The following ITPRID1 variants were observed in gnomAD, a reference collection of about 807,000 sequenced individuals.
The protein encoded by ITPRID1 is protein ITPRID1.
ITPRID1 carries 96 observed loss-of-function variants against 95.4 expected under a neutral mutation model. The observed-to-expected ratio is 1.01, with a 90% CI of 0.85 to 1.19. The LOEUF is 1.19. Among genes scored for constraint, ITPRID1 ranks in the 50% most tolerant of loss-of-function variants. The pLI is 0.00. For missense variants in ITPRID1, 1,339 were observed against 1,252.9 expected (o/e 1.07, Z -1.04); for synonymous variants, 510 against 453.6 (o/e 1.12, Z -1.58).
intron 10 of ITPRID1, among the ~76,000 whole-genome samples, chr7:31,640,438 A>AG (rs1789915430): frequency 6.6e-6 from 1 of 152,140 alleles, no homozygotes; most frequent in African/African-American, 2.4e-5. Flanking sequence ...TTTGAACTCT[A>AG]GCTGGCTCAG....
chr7:31,528,977 G>A (rs1470977533), intron 1 of ITPRID1, among the ~76,000 whole-genome samples: 1 of 152,176 alleles, frequency 6.6e-6, no homozygotes, highest in Admixed American at 6.5e-5. Flanking sequence ...AAGAATGCAT[G>A]GCAAATGTAA....
intron 10 of ITPRID1, among the ~76,000 whole-genome samples, chr7:31,600,371 C>G (rs1220993850): frequency 6.6e-6 from 1 of 152,154 alleles, no homozygotes; most frequent in Admixed American, 6.5e-5. Context: ...AAAATTAGAA[C>G]TGCCCTAAAC....
rs139858209 is a variant in ITPRID1, at chr7:31,643,794, C to G, written c.2424C>G (p.Cys808Trp). 61 of 1,614,004 alleles carry G rather than the reference C, an allele frequency of 3.8e-5. 1 individual carries two copies. The Middle Eastern group carries it at 8.2e-4, about 22-fold the overall frequency. ...CHAIPAHCCI[C>W]CHHHPHCHGE... is the part of the protein sequence containing the mutation. ...CTATACCTGCCCACTGCTGCATCTG[C>G]TGTCATCACCACCCTCACTGCCACG... The change falls in exon 12 of 15, where the codon TGC becomes TGG. Residue 808 changes from cysteine (C) to tryptophan (W), a missense_variant. Physicochemically the swap from Cys to Trp is radical, Grantham distance 215. Transcript: ENST00000615280.
chr7:31,581,866 T>C (rs1310861194), intron 9 of ITPRID1, among the ~76,000 whole-genome samples: 3 of 152,156 alleles, frequency 2.0e-5, no homozygotes, highest in Non-Finnish European at 4.4e-5. Context: ...GTGAAAATAA[T>C]GCTAAGAAGT....
At chr7:31,579,416 G>T (rs866437046) in intron 9 of ITPRID1, among the ~76,000 whole-genome samples, 1 of 152,170 alleles carries the variant, frequency 6.6e-6, no homozygotes, top group Non-Finnish European at 1.5e-5. Flanking sequence ...AGCCCTCTAT[G>T]TGGCAGGCAC....
intron 7 of ITPRID1, among the ~76,000 whole-genome samples, chr7:31,573,405 G>A (rs946972314): frequency 1.6e-4 from 24 of 150,200 alleles, no homozygotes; most frequent in Non-Finnish European, 5.9e-5. Context: ...AATAATTAAA[G>A]AAAAAAAAGA....
intron 1 of ITPRID1, among the ~76,000 whole-genome samples, chr7:31,516,777 G>C (rs999157283): frequency 6.6e-6 from 1 of 152,202 alleles, no homozygotes; most frequent in African/African-American, 2.4e-5. Context: ...ACTGGTACCA[G>C]AAATGTCTTT....
rs767533614 is a variant in ITPRID1, at chr7:31,643,835, C to T, written c.2465C>T (p.Pro822Leu). 6.8e-6 allele frequency: 11 copies of T among 1,613,958 alleles called. No individual in the cohort carries two copies. Among genetic ancestry groups the T allele is most frequent in the Admixed American group, 5.0e-5 (3 of 60,028 alleles). The change falls in exon 12 of 15, where the codon CCT becomes CTT. Residue 822 changes from proline to leucine, a missense_variant. Pro to Leu is a moderately conservative substitution (Grantham distance 98). Transcript: ENST00000615280. ...CACTGCCACGGGGAGAGGCAAAGCCCTGGCCCTGAACCCTCAGTCTGTAGG... is the reference window on the plus strand; with the variant it reads ...CACTGCCACGGGGAGAGGCAAAGCCTTGGCCCTGAACCCTCAGTCTGTAGG... Reference protein sequence around the residue: ...HPHCHGERQSPGPEPSVCRHC... With the variant: ...HPHCHGERQSLGPEPSVCRHC...
chr7:31,610,552 A>G (rs1309406640), intron 10 of ITPRID1, among the ~76,000 whole-genome samples: 2 of 151,650 alleles, frequency 1.3e-5, no homozygotes, highest in African/African-American at 4.8e-5. Flanking sequence ...GTGGAGTTTT[A>G]AAGTATTCAA....
chr7:31,603,482 A>G (rs374765890), intron 10 of ITPRID1, among the ~76,000 whole-genome samples: 2 of 149,456 alleles, frequency 1.3e-5, no homozygotes, highest in Non-Finnish European at 3.0e-5. Flanking sequence ...TTGACTGAGT[A>G]TGTTCCAATA....
chr7:31,586,706 ATTTG>A (rs1448729423), intron 10 of ITPRID1, among the ~76,000 whole-genome samples: 1 of 151,868 alleles, frequency 6.6e-6, no homozygotes, highest in Admixed American at 6.6e-5. Flanking sequence ...TTTCTTGTAA[ATTTG>A]TTTGAGTTCA....
chr7:31,532,918 C>T (rs543451232), intron 1 of ITPRID1, among the ~76,000 whole-genome samples: 1 of 152,206 alleles, frequency 6.6e-6, no homozygotes, highest in African/African-American at 2.4e-5. Flanking sequence ...GATTTATTTG[C>T]TAATATTTTG....
chr7:31,652,164 C>A (rs554136917), intron 14 of ITPRID1, 114 bp downstream of exon 14: 3 of 826,808 alleles, frequency 3.6e-6, no homozygotes, highest in South Asian at 3.4e-5. Context: ...CATGCCAACA[C>A]CTTCATTTTA....
chr7:31,645,189 C>T (rs1206454415), intron 12 of ITPRID1, among the ~76,000 whole-genome samples: 1 of 152,074 alleles, frequency 6.6e-6, no homozygotes, highest in Non-Finnish European at 1.5e-5. Flanking sequence ...AAAGAAGTGT[C>T]CGACTTTAAA....
Position 31,562,982 on chromosome 7 carries a change from T to G in ITPRID1, c.257-6776T>G, listed in dbSNP as rs145814244. ...GCTCTTGGCCAGTGCTGCCTCAAAT[T>G]GTTAGGGATATCATCCATTTCACTG... On this transcript the variant is annotated intron_variant, in intron 5 of 14. Transcript: ENST00000615280. Among the ~76,000 whole-genome samples, 60 of 152,262 alleles carry G rather than the reference T, an allele frequency of 3.9e-4. No individual in the cohort carries two copies. In the East Asian group the frequency reaches 7.5e-3, roughly 19 times the overall value.
chr7:31,602,316 A>G (rs934632741), intron 10 of ITPRID1, among the ~76,000 whole-genome samples: 2 of 152,200 alleles, frequency 1.3e-5, no homozygotes, highest in African/African-American at 2.4e-5. Context: ...GCCTCTTTGC[A>G]TGTGCAATTA....
chr7:31,521,954 C>T (rs1196872159), intron 1 of ITPRID1, among the ~76,000 whole-genome samples: 1 of 144,034 alleles, frequency 6.9e-6, no homozygotes, highest in Non-Finnish European at 1.5e-5. Flanking sequence ...TACTATGTTA[C>T]CCAGGAATTT....
At chr7:31,603,341 C>T (rs570459256) in intron 10 of ITPRID1, among the ~76,000 whole-genome samples, 15 of 152,208 alleles carry the variant, frequency 9.9e-5, no homozygotes, top group African/African-American at 3.6e-4. Context: ...CGAGTTAACA[C>T]ATTGGCTCCT....
intron 10 of ITPRID1, among the ~76,000 whole-genome samples, chr7:31,608,048 G>C (rs1786703161): frequency 6.6e-6 from 1 of 151,852 alleles, no homozygotes; most frequent in African/African-American, 2.4e-5. Flanking sequence ...ATTTATGTAT[G>C]TATCTGTAAA....
Sources: gnomAD v4.1 joint callset for allele counts (sites outside exome capture counted in the v4.1 genomes callset) on GRCh38, gnomAD v4.1.1 for gene constraint, MANE v1.5 for transcripts, NCBI Gene and HGNC (gene_info 2026-07-23, HGNC 2026-07-21) for gene names.